The following AGAP1 variants were observed in gnomAD, a reference collection of about 807,000 sequenced individuals.
The protein encoded by AGAP1 is arf-GAP with GTPase, ANK repeat and PH domain-containing protein 1.
AGAP1 carries 29 observed loss-of-function variants against 105.3 expected under a neutral mutation model. That is an observed-to-expected ratio of 0.28 (90% CI 0.21 to 0.38). The LOEUF (loss-of-function observed/expected upper bound fraction) is 0.38. Among genes scored for constraint, AGAP1 ranks in the 10% least tolerant of loss-of-function variants. The pLI is 1.00. For missense variants in AGAP1, 998 were observed against 1,165.1 expected (o/e 0.86, Z 2.09); for synonymous variants, 509 against 485.9 (o/e 1.05, Z -0.63).
intron 11 of AGAP1, among the ~76,000 whole-genome samples, chr2:235,916,595 T>C (rs959734698): frequency 7.2e-5 from 11 of 152,200 alleles, no homozygotes; most frequent in Non-Finnish European, 1.6e-4. Context: ...TCTCAGACCC[T>C]TCTGAAGTTG....
chr2:236,022,544 T>G (rs1457802193), intron 13 of AGAP1, among the ~76,000 whole-genome samples: 28 of 152,194 alleles, frequency 1.8e-4, no homozygotes, highest in Admixed American at 1.8e-3. Flanking sequence ...TCTTTGTCTT[T>G]TATTTTTGGA....
At chr2:235,547,243 T>C (rs1943655175) in intron 1 of AGAP1, among the ~76,000 whole-genome samples, 1 of 152,212 alleles carries the variant, frequency 6.6e-6, no homozygotes, top group Non-Finnish European at 1.5e-5. Flanking sequence ...ATTCTTCTGA[T>C]TCTTGAAGGC....
chr2:235,997,106 T>C (rs114310353), intron 13 of AGAP1, among the ~76,000 whole-genome samples: 115 of 152,324 alleles, frequency 7.5e-4, no homozygotes, highest in African/African-American at 2.6e-3. Flanking sequence ...TTGTTGTTGT[T>C]GTTACGGAGT....
chr2:235,623,774 A>AT lies in AGAP1; in HGVS notation c.164-85398dup, dbSNP rs1946557304. 1.3e-5 allele frequency among the ~76,000 whole-genome samples: 2 copies of AT among 152,156 alleles called. No individual in the cohort carries two copies. The highest frequency in any genetic ancestry group is 2.4e-5 in the African/African-American group (1 of 41,426). On this transcript the variant is annotated intron_variant, in intron 1 of 17. Transcript: ENST00000304032. This position sits in a 1 kb window ranked among gnomAD's most constrained non-coding sequence, Gnocchi z 4.5. Reference sequence around the variant, plus strand: ...CCTAAGCCATTAATTTACATGTCAGATTTTTTTGAGTATTGTAGTTTTTTT... The same window carrying AT: ...CCTAAGCCATTAATTTACATGTCAGATTTTTTTTGAGTATTGTAGTTTTTTT...
Position 235,663,872 on chromosome 2 carries a change from A to G in AGAP1, c.164-45307A>G, listed in dbSNP as rs73124437. 0.022 allele frequency among the ~76,000 whole-genome samples: 3,316 copies of G among 152,276 alleles called. 122 individuals are homozygous for G. Among genetic ancestry groups the G allele is most frequent in the African/African-American group, 0.076 (3,149 of 41,560 alleles). ...AATCCTGTAGAGGAAAATGTTACCAAATAGGCCTGTTCCCCTGTGCACCCA... is the reference window on the plus strand; with the variant it reads ...AATCCTGTAGAGGAAAATGTTACCAGATAGGCCTGTTCCCCTGTGCACCCA... On this transcript the variant is annotated intron_variant, in intron 1 of 17. Transcript: ENST00000304032. The surrounding 1 kb of genome is among the most constrained non-coding windows in gnomAD (Gnocchi z 5.4).
chr2:235,799,311 A>G lies in AGAP1; in HGVS notation c.802-56A>G, dbSNP rs1222199729. The stretch of plus-strand genomic sequence containing the variant: ...GTTGGTTATGACCTTGCCTAAGTGG[A>G]GGTCTTGGGTTCCTGAGTATGTCGT... On this transcript the variant is annotated intron_variant, in intron 7 of 17. Coordinates refer to ENST00000304032, the MANE Select transcript of AGAP1 (RefSeq NM_001037131.3). This position sits in a 1 kb window ranked among gnomAD's most constrained non-coding sequence, Gnocchi z 5.0. The G allele has an allele frequency of 2.5e-6, 4 of 1,579,850 alleles. No homozygotes were observed. In the South Asian group the frequency reaches 3.5e-5, roughly 14 times the overall value.
chr2:235,894,607 ACACACT>A (rs1342772380), intron 10 of AGAP1, among the ~76,000 whole-genome samples: 1,951 of 144,776 alleles, frequency 0.013, 39 homozygotes, highest in African/African-American at 0.048. Flanking sequence ...ACACATACAC[ACACACT>A]TAAACATACA....
rs552986627 is a variant in AGAP1, at chr2:236,077,323, CT to C, written c.2114+28057del. Reference sequence around the variant, plus strand: ...TCTTCTCATGTCCTTATGTATGTCTCTTTTTTTTTTTTTTTGAGACAGTTTC... The same window carrying C: ...TCTTCTCATGTCCTTATGTATGTCTCTTTTTTTTTTTTTTGAGACAGTTTC... On this transcript the variant is annotated intron_variant, in intron 16 of 17. Coordinates refer to ENST00000304032, the MANE Select transcript of AGAP1 (RefSeq NM_001037131.3). 6.7e-3 allele frequency among the ~76,000 whole-genome samples: 914 copies of C among 136,476 alleles called. 4 individuals are homozygous for C. Among genetic ancestry groups the C allele is most frequent in the African/African-American group, 0.02 (751 of 37,068 alleles). The allele number at this position is 136,476 out of a possible 152,430, so 89.5% of individuals were successfully genotyped here.
rs1233483433 is a variant in AGAP1 at position 236,128,888 on chromosome 2, C to G, written c.*4766C>G. On this transcript the variant is annotated 3_prime_UTR_variant, in exon 18 of 18. Transcript: ENST00000304032. The surrounding 1 kb of genome is among the most constrained non-coding windows in gnomAD (Gnocchi z 5.9). ...CCTGCACAAGGTCGTTGAGACTTTTCTAGAACTCCCCGGGGTTGTATTTAT... is the reference window on the plus strand; with the variant it reads ...CCTGCACAAGGTCGTTGAGACTTTTGTAGAACTCCCCGGGGTTGTATTTAT... 6.6e-6 allele frequency: 1 copy of G among 152,202 alleles called. No individual in the cohort carries two copies. Among genetic ancestry groups the G allele is most frequent in the Non-Finnish European group, 1.5e-5 (1 of 68,032 alleles). 9.4% of individuals were successfully genotyped at this position (152,202 alleles called of 1,614,324 possible). A position where few individuals can be genotyped will look rare whatever the true frequency, so the allele number is the denominator to read the frequency against.
chr2:235,926,176 A>T (rs1355793633), intron 11 of AGAP1, among the ~76,000 whole-genome samples: 1 of 152,262 alleles, frequency 6.6e-6, no homozygotes, highest in East Asian at 1.9e-4. Context: ...ATGAGATTAC[A>T]TATTAGACTC....
At position 235,809,145 on chromosome 2, in the gene AGAP1, C is replaced by T. The variant is rs189722582; in HGVS notation, c.1050+1814C>T. Among the ~76,000 whole-genome samples the T allele has an allele frequency of 2.8e-4, 42 of 152,204 alleles. No homozygotes were observed. The East Asian group carries it at 7.7e-3, about 28-fold the overall frequency. The stretch of plus-strand genomic sequence containing the variant: ...GCGCTCACCAGCCTGGCGGGAGTCC[C>T]TCTGTGCGAGCCAGGTGGGCCCCCG... On this transcript the variant is annotated intron_variant, in intron 9 of 17. Coordinates refer to ENST00000304032, the MANE Select transcript of AGAP1 (RefSeq NM_001037131.3).
chr2:235,899,322 G>A (rs950496155), intron 10 of AGAP1, among the ~76,000 whole-genome samples: 1 of 152,168 alleles, frequency 6.6e-6, no homozygotes, highest in Non-Finnish European at 1.5e-5. Flanking sequence ...AGGCCAGCCT[G>A]GCCAACATGG....
At chr2:235,776,923 G>C (rs1447372755) in intron 6 of AGAP1, 4 of 470,944 alleles carry the variant, frequency 8.5e-6, no homozygotes, top group Non-Finnish European at 1.8e-5. Context: ...ACTGGAATCA[G>C]CCTCGGAGCA....
At chr2:235,942,552 C>A (rs1295802847) in intron 12 of AGAP1, among the ~76,000 whole-genome samples, 2 of 151,950 alleles carry the variant, frequency 1.3e-5, no homozygotes, top group Non-Finnish European at 2.9e-5. Flanking sequence ...TGGAACATGC[C>A]TGTAATCCCA....
At chr2:236,054,285 T>C (rs2057989115) in intron 16 of AGAP1, among the ~76,000 whole-genome samples, 1 of 151,924 alleles carries the variant, frequency 6.6e-6, no homozygotes, top group Non-Finnish European at 1.5e-5. Flanking sequence ...AAGATCACAA[T>C]GTAGTAATCT....
intron 5 of AGAP1, among the ~76,000 whole-genome samples, chr2:235,749,298 C>G (rs575119511): frequency 2.0e-5 from 3 of 152,012 alleles, no homozygotes; most frequent in Admixed American, 1.3e-4. Flanking sequence ...CCTCATTTCT[C>G]TGTTCCACGT....
intron 11 of AGAP1, among the ~76,000 whole-genome samples, chr2:235,913,621 G>A (rs114104557): frequency 1.4e-3 from 216 of 152,126 alleles, no homozygotes; most frequent in African/African-American, 4.7e-3. Flanking sequence ...GTTTGTATCT[G>A]GTAGTATAAC....
chr2:235,799,942 CG>C lies in AGAP1; in HGVS notation c.957+424del, dbSNP rs1957414359. On this transcript the variant is annotated intron_variant, in intron 8 of 17. Coordinates refer to ENST00000304032, the MANE Select transcript of AGAP1 (RefSeq NM_001037131.3). The surrounding 1 kb of genome is among the most constrained non-coding windows in gnomAD (Gnocchi z 5.0). Reference sequence around the variant, plus strand: ...CTGCTGGGGTGCCTGGCGCTGCCCTCGGGGTGGAGGTGGGGGACTGGGAGGT... The same window carrying C: ...CTGCTGGGGTGCCTGGCGCTGCCCTCGGGTGGAGGTGGGGGACTGGGAGGT... Among the ~76,000 whole-genome samples, 1 of 151,892 alleles carries C rather than the reference CG, an allele frequency of 6.6e-6. No individual in the cohort carries two copies. Among genetic ancestry groups the C allele is most frequent in the Non-Finnish European group, 1.5e-5 (1 of 67,976 alleles).
rs889189418 is a variant in AGAP1 at position 235,891,872 on chromosome 2, G to A, written c.1155+8423G>A. The stretch of plus-strand genomic sequence containing the variant: ...TCAGACTTTTAAAAAACCTCCTTCT[G>A]GCCAGGTGTGGTGGCTCACACCTGT... On this transcript the variant is annotated intron_variant, in intron 10 of 17. Transcript: ENST00000304032. The surrounding 1 kb of genome is among the most constrained non-coding windows in gnomAD (Gnocchi z 4.2). Among the ~76,000 whole-genome samples, 35 of 152,156 alleles carry A rather than the reference G, an allele frequency of 2.3e-4. No individual in the cohort carries two copies. Among genetic ancestry groups the A allele is most frequent in the African/African-American group, 8.2e-4 (34 of 41,426 alleles).
Sources: allele counts gnomAD v4.1 joint callset (sites outside exome capture counted in the v4.1 genomes callset), GRCh38; gene constraint gnomAD v4.1.1; non-coding constraint Gnocchi (gnomAD v3.1); transcripts MANE v1.5; gene names NCBI Gene and HGNC (gene_info 2026-07-23, HGNC 2026-07-21).